The following DYNC2H1 variants were observed in gnomAD, a reference collection of about 807,000 sequenced individuals.
The protein encoded by DYNC2H1 is dynein cytoplasmic 2 heavy chain 1, also known as cytoplasmic dynein 2 heavy chain 1.
In DYNC2H1, 410 loss-of-function variants were observed where a neutral mutation model predicts 570.0. That is an observed-to-expected ratio of 0.72 (90% CI 0.66 to 0.78). DYNC2H1 has a LOEUF of 0.78. DYNC2H1 is among the 30% of genes least tolerant of loss of function. DYNC2H1 has a pLI of 0.00. For synonymous variants in DYNC2H1, 1,688 were observed against 1,677.6 expected (o/e 1.01, Z -0.15); for missense variants, 4,865 against 5,046.4 (o/e 0.96, Z 1.09).
intron 31 of DYNC2H1, 78 bp downstream of exon 31, chr11:103,166,126 T>G: frequency 8.1e-7 from 1 of 1,230,920 alleles, no homozygotes; most frequent in Non-Finnish European, 1.1e-6. Context: ...CTATTGTGTT[T>G]TTGACTGTAT....
chr11:103,397,697 C>G (rs1942454988), intron 83 of DYNC2H1, among the ~76,000 whole-genome samples: 3 of 152,080 alleles, frequency 2.0e-5, no homozygotes, highest in Admixed American at 1.3e-4. Flanking sequence ...GAGTTTGAGA[C>G]CAGCCTGGGC....
In DYNC2H1 at chr11:103,399,647, G is replaced by A. The variant is rs551950066; in HGVS notation, c.12157-16G>A. The A allele has an allele frequency of 4.4e-6, 7 of 1,581,356 alleles. No individual in the cohort carries two copies. The African/African-American group carries it at 8.1e-5, about 18-fold the overall frequency. On this transcript the variant is annotated splice_polypyrimidine_tract_variant and intron_variant, in intron 83 of 88. Coordinates refer to ENST00000375735, the MANE Select transcript of DYNC2H1 (RefSeq NM_001377.3). ...TGTGTTACTATTCGGTAAATATTAT[G>A]ACATTTTTCTTTTAGAATTCAAACC...
intron 88 of DYNC2H1, 64 bp from the exon 89 acceptor site, chr11:103,479,031 T>C (rs1439444239): frequency 6.5e-7 from 1 of 1,542,884 alleles, no homozygotes; most frequent in East Asian, 2.3e-5. Flanking sequence ...TTTCCTTGGT[T>C]ATCTAATAAT....
chr11:103,414,872 G>GAAAT (rs1272167805), intron 84 of DYNC2H1, among the ~76,000 whole-genome samples: 1 of 152,072 alleles, frequency 6.6e-6, no homozygotes. Flanking sequence ...ACTGCTCAAG[G>GAAAT]AAATAAGACA....
chr11:103,115,086 T>C, intron 3 of DYNC2H1, 91 bp from the exon 4 acceptor site: 1 of 835,620 alleles, frequency 1.2e-6, no homozygotes, highest in Non-Finnish European at 1.9e-6. Flanking sequence ...ATGTGTTAGA[T>C]GACTCAAATA....
intron 82 of DYNC2H1, among the ~76,000 whole-genome samples, chr11:103,354,181 C>CAAAAA (rs71465391): frequency 1.7e-5 from 2 of 117,228 alleles, no homozygotes; most frequent in African/African-American, 3.4e-5. Context: ...TGTCTCAAAA[C>CAAAAA]AAAAAAAAAA....
chr11:103,459,493 C>T (rs4754938), intron 87 of DYNC2H1, among the ~76,000 whole-genome samples: 20,677 of 151,950 alleles, frequency 0.14, 1,695 homozygotes, highest in Admixed American at 0.23. Flanking sequence ...AATAAGCATT[C>T]GATCAAACCC....
At chr11:103,139,369 G>C (rs1230734247) in intron 17 of DYNC2H1, among the ~76,000 whole-genome samples, 12 of 151,640 alleles carry the variant, frequency 7.9e-5, no homozygotes, top group Admixed American at 2.0e-4. Context: ...AAATTTCCCT[G>C]TACACACTGC....
chr11:103,447,429 A>G (rs1406831346), intron 85 of DYNC2H1, among the ~76,000 whole-genome samples: 1 of 152,176 alleles, frequency 6.6e-6, no homozygotes, highest in Non-Finnish European at 1.5e-5. Context: ...ATCTTCCTCA[A>G]ATCCTTTGTA....
intron 20 of DYNC2H1, among the ~76,000 whole-genome samples, chr11:103,150,574 A>G (rs1189684458): frequency 1.3e-5 from 2 of 152,198 alleles, no homozygotes; most frequent in Non-Finnish European, 2.9e-5. Context: ...GTTGTCTGGT[A>G]GAAATCAAAT....
intron 84 of DYNC2H1, chr11:103,407,316 C>T (rs1942900417): frequency 6.6e-6 from 1 of 151,818 alleles, no homozygotes. Context: ...TACTTTAGGA[C>T]ATCGCGTAAT....
chr11:103,221,952 C>T (rs1190079565), intron 57 of DYNC2H1, 78 bp from the exon 58 acceptor site: 82 of 1,478,364 alleles, frequency 5.5e-5, no homozygotes, highest in Non-Finnish European at 7.3e-5. Flanking sequence ...TTGCATACAC[C>T]ATTTTGTTAA....
intron 78 of DYNC2H1, among the ~76,000 whole-genome samples, chr11:103,310,798 A>G (rs1231271777): frequency 6.8e-6 from 1 of 147,040 alleles, no homozygotes; most frequent in Non-Finnish European, 1.5e-5. Context: ...TCAGGCAATT[A>G]TCCTGCCTCA....
chr11:103,202,457 CT>C (rs1349483373), intron 50 of DYNC2H1, among the ~76,000 whole-genome samples: 1 of 151,904 alleles, frequency 6.6e-6, no homozygotes, highest in Non-Finnish European at 1.5e-5. Flanking sequence ...GGCTTGGTTT[CT>C]TTTTTCTATT....
At chr11:103,294,019 C>T (rs781011743) in intron 75 of DYNC2H1, among the ~76,000 whole-genome samples, 1 of 152,128 alleles carries the variant, frequency 6.6e-6, no homozygotes, top group Non-Finnish European at 1.5e-5. Flanking sequence ...GCAGAGGTTG[C>T]ACTGAGCCGA....
chr11:103,175,088 TA>T (rs1033651812), intron 36 of DYNC2H1, among the ~76,000 whole-genome samples: 7 of 152,110 alleles, frequency 4.6e-5, no homozygotes, highest in East Asian at 1.9e-4. Flanking sequence ...TTTCCTCATA[TA>T]AAAAAATGGT....
chr11:103,296,919 A>G (rs753627032), intron 75 of DYNC2H1, among the ~76,000 whole-genome samples: 1 of 149,636 alleles, frequency 6.7e-6, no homozygotes, highest in Non-Finnish European at 1.5e-5. Flanking sequence ...TCATTCCCCA[A>G]CCCTCTTAGG....
At chr11:103,415,308 A>G (rs1368713695) in intron 84 of DYNC2H1, among the ~76,000 whole-genome samples, 3 of 152,366 alleles carry the variant, frequency 2.0e-5, no homozygotes, top group East Asian at 1.9e-4. Context: ...ACAAAAGCCA[A>G]AATTGACAAA....
intron 31 of DYNC2H1, among the ~76,000 whole-genome samples, chr11:103,168,286 G>A (rs559717598): frequency 1.1e-3 from 170 of 152,260 alleles, no homozygotes; most frequent in African/African-American, 3.5e-3. Context: ...CACCAGTTTC[G>A]GTTTCTGGCT....
Sources: allele counts gnomAD v4.1 joint callset (sites outside exome capture counted in the v4.1 genomes callset), GRCh38; gene constraint gnomAD v4.1.1; transcripts MANE v1.5; gene names NCBI Gene and HGNC (gene_info 2026-07-23, HGNC 2026-07-21).